Variants in GATA4 observed in about 807,000 individuals in gnomAD.
The protein encoded by GATA4 is GATA binding protein 4.
In GATA4, 7 loss-of-function variants were observed where a neutral mutation model predicts 37.9. That is an observed-to-expected ratio of 0.18 (90% confidence interval 0.11 to 0.35). GATA4 has a LOEUF of 0.35. GATA4 is among the 10% of genes least tolerant of loss of function. The pLI is 1.00. For missense variants in GATA4, 647 were observed against 653.0 expected (o/e 0.99, Z 0.10); for synonymous variants, 372 against 292.6 (o/e 1.27, Z -2.77).
At chr8:11,704,886 CA>C (rs1202179883) in intron 1 of GATA4, among the ~76,000 whole-genome samples, 1 of 152,220 alleles carries the variant, frequency 6.6e-6, no homozygotes, top group Non-Finnish European at 1.5e-5. Flanking sequence ...GGCTGGGGTC[CA>C]GGGACTGAAT....
rs7830178 is a variant in GATA4 at position 11,758,367 on chromosome 8, A to G, written c.1224A>G (p.Pro408=). 6.2e-7 allele frequency: 1 copy of G among 1,614,000 alleles called. No homozygotes were observed. Among genetic ancestry groups the G allele is most frequent in the South Asian group, 1.1e-5 (1 of 91,070 alleles). The change falls in exon 7 of 7, where the codon CCA becomes CCG. Residue 408 remains proline, a synonymous_variant. Coordinates refer to ENST00000532059, the MANE Select transcript of GATA4 (RefSeq NM_001308093.3). ...HPVLSALKLS[P]QGYASPVSQS... Reference sequence around the variant, plus strand: ...TCCTCTCGGCCCTGAAGCTCTCCCCACAAGGCTATGCGTCTCCCGTCAGCC... The same window carrying G: ...TCCTCTCGGCCCTGAAGCTCTCCCCGCAAGGCTATGCGTCTCCCGTCAGCC...
intron 2 of GATA4, among the ~76,000 whole-genome samples, chr8:11,729,878 A>G (rs1223024623): frequency 2.0e-5 from 3 of 152,118 alleles, no homozygotes; most frequent in African/African-American, 7.2e-5. Flanking sequence ...TGGTTTTTAA[A>G]CCCAATATAT....
Position 11,709,012 on chromosome 8 carries a change from A to T in GATA4, c.616+84A>T. 2 of 1,376,064 alleles carry T rather than the reference A, an allele frequency of 1.5e-6. No individual in the cohort carries two copies. The highest frequency in any genetic ancestry group is 1.5e-5 in the African/African-American group (1 of 66,798). 85.2% of individuals were successfully genotyped at this position (1,376,064 alleles called of 1,614,324 possible). On this transcript the variant is annotated intron_variant, in intron 2 of 6. Transcript: ENST00000532059. This position sits in a 1 kb window ranked among gnomAD's most constrained non-coding sequence, Gnocchi z 4.3. Reference sequence around the variant, plus strand: ...CCTGTCGAGGGCCTCTTGTTTTTCCACCAACGCCTTCGTTGGGCTGGGGAT... The same window carrying T: ...CCTGTCGAGGGCCTCTTGTTTTTCCTCCAACGCCTTCGTTGGGCTGGGGAT...
At chr8:11,703,752 T>C (rs1283503642), upstream of GATA4, among the ~76,000 whole-genome samples, 1 of 152,148 alleles carries the variant, frequency 6.6e-6, no homozygotes, top group Non-Finnish European at 1.5e-5. Context: ...CCACTACCCC[T>C]GCCCAGGAAC....
At chr8:11,697,401 C>T (rs551342028) in intron 1 of GATA4, among the ~76,000 whole-genome samples, 2 of 152,194 alleles carry the variant, frequency 1.3e-5, no homozygotes, top group African/African-American at 2.4e-5. Context: ...CCGTGCCTCC[C>T]CTTTCTTGAG....
rs565465411 is a variant in GATA4, at chr8:11,728,476, C to T, written c.616+19548C>T. On this transcript the variant is annotated intron_variant, in intron 2 of 6. Coordinates refer to ENST00000532059, the MANE Select transcript of GATA4 (RefSeq NM_001308093.3). ...CTTGAACTTCTGGGCTCAAGCACTC[C>T]GCCTTCCTCAGCCTTCTAAGTAGCT... Among the ~76,000 whole-genome samples, 45 of 152,232 alleles carry T rather than the reference C, an allele frequency of 3.0e-4. 1 individual carries two copies. The South Asian group carries it at 7.1e-3, about 24-fold the overall frequency.
At chr8:11,692,470 G>C, upstream of GATA4, 2 of 951,756 alleles carry the variant, frequency 2.1e-6, no homozygotes, top group Non-Finnish European at 2.5e-6. Flanking sequence ...AATATTGACC[G>C]GTGTCCTGAA....
chr8:11,728,751 G>C (rs1449744025), intron 2 of GATA4, among the ~76,000 whole-genome samples: 1 of 152,180 alleles, frequency 6.6e-6, no homozygotes, highest in African/African-American at 2.4e-5. Context: ...TTGCACAGGA[G>C]GCTGCCAAGT....
intron 1 of GATA4, among the ~76,000 whole-genome samples, chr8:11,696,307 C>G (rs985575393): frequency 5.3e-5 from 8 of 152,194 alleles, no homozygotes; most frequent in African/African-American, 1.7e-4. Context: ...CTGGCAACCT[C>G]TGATCTGTTT....
chr8:11,705,433 G>A (rs1011170762), intron 1 of GATA4, among the ~76,000 whole-genome samples: 3 of 152,344 alleles, frequency 2.0e-5, no homozygotes, highest in African/African-American at 7.2e-5. Context: ...ATAAAGGGAC[G>A]GGGACTTTTC....
At position 11,708,953 on chromosome 8, in the gene GATA4, G is replaced by A; in HGVS notation, c.616+25G>A. The A allele has an allele frequency of 6.6e-7, 1 of 1,517,344 alleles. No homozygotes were observed. The highest frequency in any genetic ancestry group is 1.4e-5 in the African/African-American group (1 of 71,450). The allele number at this position is 1,517,344 out of a possible 1,614,324, so 94.0% of individuals were successfully genotyped here. Reference sequence around the variant, plus strand: ...GGTGAGTAGGAGCGCGAGGGCTGGGGCGCGTGAGGGCCGGGGCAGGGGCCG... The same window carrying A: ...GGTGAGTAGGAGCGCGAGGGCTGGGACGCGTGAGGGCCGGGGCAGGGGCCG... On this transcript the variant is annotated intron_variant, in intron 2 of 6. Transcript: ENST00000532059. The surrounding 1 kb of genome is among the most constrained non-coding windows in gnomAD (Gnocchi z 6.7).
At chr8:11,688,882 A>T (rs2129965888), upstream of GATA4, among the ~76,000 whole-genome samples, 1 of 152,386 alleles carries the variant, frequency 6.6e-6, no homozygotes, top group East Asian at 1.9e-4. Context: ...GGGCAATAGC[A>T]GTTATAATAT....
At chr8:11,701,861 T>G (rs1248677037), upstream of GATA4, among the ~76,000 whole-genome samples, 29 of 69,478 alleles carry the variant, frequency 4.2e-4, no homozygotes, top group South Asian at 1.0e-3. Flanking sequence ...TGGTGGGGGG[T>G]GGTGGGAGGT....
At chr8:11,757,818 T>C (rs1486697511) in intron 6 of GATA4, among the ~76,000 whole-genome samples, 1 of 152,242 alleles carries the variant, frequency 6.6e-6, no homozygotes, top group Non-Finnish European at 1.5e-5. Flanking sequence ...GATCACGGTC[T>C]CCTTTGACCA....
chr8:11,697,856 C>G (rs1192518744), intron 1 of GATA4: 3 of 985,344 alleles, frequency 3.0e-6, no homozygotes, highest in Admixed American at 1.2e-4. Context: ...GAGGAGGGAG[C>G]GGCCTTTGCG....
At chr8:11,703,856 C>G (rs1237411385), upstream of GATA4, among the ~76,000 whole-genome samples, 1 of 152,236 alleles carries the variant, frequency 6.6e-6, no homozygotes, top group African/African-American at 2.4e-5. Flanking sequence ...TGGCCCCGCC[C>G]CTCGCCCGCC....
chr8:11,708,602 C>G lies in GATA4; in HGVS notation c.290C>G (p.Ala97Gly). ...PGWSQAGADG[A>G]AYTPPPVSPR... ...TGGAGCCAGGCGGGAGCCGACGGAGCCGCTTACACCCCGCCGCCGGTGTCG... is the reference window on the plus strand; with the variant it reads ...TGGAGCCAGGCGGGAGCCGACGGAGGCGCTTACACCCCGCCGCCGGTGTCG... The change falls in exon 2 of 7, where the codon GCC becomes GGC. Residue 97 changes from alanine to glycine, a missense_variant. Transcript: ENST00000532059. This position sits in a 1 kb window ranked among gnomAD's most constrained non-coding sequence, Gnocchi z 6.7. The G allele has an allele frequency of 7.4e-7, 1 of 1,342,364 alleles. No individual in the cohort carries two copies. Among genetic ancestry groups the G allele is most frequent in the Non-Finnish European group, 9.5e-7 (1 of 1,048,220 alleles). 83.2% of individuals were successfully genotyped at this position (1,342,364 alleles called of 1,614,324 possible). A position where few individuals can be genotyped will look rare whatever the true frequency, so the allele number is the denominator to read the frequency against.
chr8:11,680,491 C>A, intron 1 of GATA4: 1 of 985,484 alleles, frequency 1.0e-6, no homozygotes, highest in Non-Finnish European at 1.2e-6. Context: ...GCATTTCGAT[C>A]AATCTGGCGC....
chr8:11,689,302 G>C (rs1350516544), upstream of GATA4, among the ~76,000 whole-genome samples: 1 of 152,166 alleles, frequency 6.6e-6, no homozygotes, highest in South Asian at 2.1e-4. Flanking sequence ...GGAAACTGAG[G>C]CTCAGCAAAT....
Sources: gnomAD v4.1 joint callset for allele counts (sites outside exome capture counted in the v4.1 genomes callset) on GRCh38, gnomAD v4.1.1 for gene constraint, Gnocchi (gnomAD v3.1) non-coding constraint, MANE v1.5 for transcripts, NCBI Gene and HGNC (gene_info 2026-07-23, HGNC 2026-07-21) for gene names.